Variants in CHAT observed in about 807,000 individuals in gnomAD.
CHAT encodes choline O-acetyltransferase, also known as acetyl CoA:choline O-acetyltransferase.
Under a neutral mutation model 76.9 loss-of-function variants are expected in CHAT, and 61 were observed. The ratio of observed to expected loss-of-function variants is 0.79; its 90% CI spans 0.65 to 0.98. The LOEUF (loss-of-function observed/expected upper bound fraction) is 0.98. Among genes scored for constraint, CHAT ranks in the 50% least tolerant of loss-of-function variants. CHAT has a pLI of 0.00. For missense variants in CHAT, 946 were observed against 986.9 expected (o/e 0.96, Z 0.56); for synonymous variants, 407 against 397.4 (o/e 1.02, Z -0.29).
At chr10:49,661,192 T>G (rs1590626905) in intron 13 of CHAT, 1 of 152,348 alleles carries the variant, frequency 6.6e-6, no homozygotes, top group South Asian at 2.1e-4. Context: ...TAAGTCATTT[T>G]ACTCGTTATT....
At chr10:49,616,095 A>G (rs1838482300) in intron 1 of CHAT, 2 of 1,612,644 alleles carry the variant, frequency 1.2e-6, no homozygotes, top group Non-Finnish European at 1.7e-6. Context: ...CACAGTAGGT[A>G]TGGTCTTACC....
At chr10:49,653,800 C>T (rs1198703306) in intron 11 of CHAT, among the ~76,000 whole-genome samples, 2 of 152,214 alleles carry the variant, frequency 1.3e-5, no homozygotes, top group African/African-American at 2.4e-5. Flanking sequence ...GCCAGAGCCT[C>T]GACTGGGGAT....
chr10:49,625,097 G>C (rs1227409807), intron 5 of CHAT, among the ~76,000 whole-genome samples: 1 of 152,210 alleles, frequency 6.6e-6, no homozygotes, highest in Non-Finnish European at 1.5e-5. Flanking sequence ...TTCTAAAAGA[G>C]ATGATAAAGG....
At chr10:49,610,702 C>G (rs1429145173), upstream of CHAT, 2 of 1,458,722 alleles carry the variant, frequency 1.4e-6, no homozygotes, top group East Asian at 5.0e-5. Flanking sequence ...GCGCTCGGCC[C>G]TGGCGGAGGC....
At chr10:49,621,892 T>A (rs1838723855) in intron 4 of CHAT, among the ~76,000 whole-genome samples, 1 of 23,526 alleles carries the variant, frequency 4.3e-5, no homozygotes, top group Non-Finnish European at 7.9e-5. Flanking sequence ...AGGAACCACA[T>A]CTGATTAGTG....
Position 49,614,253 on chromosome 10 carries a change from G to A in CHAT, c.64G>A (p.Gly22Arg). The A allele has an allele frequency of 8.4e-6, 13 of 1,546,910 alleles. No homozygotes were observed. The highest frequency in any genetic ancestry group is 1.1e-5 in the Non-Finnish European group (13 of 1,145,248). The change falls in exon 1 of 15, where the codon GGA (glycine) becomes AGA (arginine). Residue 22 changes from glycine to arginine, a missense_variant. By Grantham distance (125) the Gly-to-Arg change is moderately radical. This residue lies in a region of CHAT where 548 missense variants were observed against 516.2 expected (regional missense o/e 1.06). Transcript: ENST00000337653. Reference protein sequence around the residue: ...GGGGKWKREEGGGTRGRREVR... With the variant: ...GGGGKWKREERGGTRGRREVR... The stretch of plus-strand genomic sequence containing the variant: ...AGGGGGGAAATGGAAGAGAGAGGAG[G>A]GAGGAGGTACAAGAGGAAGGAGAGA...
chr10:49,627,830 G>C, intron 7 of CHAT, 45 bp downstream of exon 7: 2 of 1,594,012 alleles, frequency 1.3e-6, no homozygotes, highest in Non-Finnish European at 1.7e-6. Context: ...TCTCATGCTC[G>C]TGCCCATTGG....
At chr10:49,627,915 G>A in intron 7 of CHAT, 130 bp downstream of exon 7, 1 of 1,098,286 alleles carries the variant, frequency 9.1e-7, no homozygotes. Flanking sequence ...CCCACAGCAT[G>A]CCCTGCGGCC....
At chr10:49,655,485 G>A (rs1209927227) in intron 13 of CHAT, 37 bp downstream of exon 13, 1 of 1,597,878 alleles carries the variant, frequency 6.3e-7, no homozygotes, top group Non-Finnish European at 8.6e-7. Context: ...CACTGCACTT[G>A]AGCTGTGCCT....
At chr10:49,634,411 C>A (rs1839228981) in intron 7 of CHAT, among the ~76,000 whole-genome samples, 1 of 152,364 alleles carries the variant, frequency 6.6e-6, no homozygotes, top group Admixed American at 6.5e-5. Flanking sequence ...GCCCAATGCC[C>A]ACAACCCCTC....
At position 49,665,122 on chromosome 10, in the gene CHAT, T is replaced by A; in HGVS notation, c.*76T>A. The A allele has an allele frequency of 6.6e-7, 1 of 1,517,232 alleles. No homozygotes were observed. Among genetic ancestry groups the A allele is most frequent in the South Asian group, 1.1e-5 (1 of 88,728 alleles). The allele number at this position is 1,517,232 out of a possible 1,614,324, so 94.0% of individuals were successfully genotyped here. On this transcript the variant is annotated 3_prime_UTR_variant, in exon 15 of 15. Coordinates refer to ENST00000337653, the MANE Select transcript of CHAT (RefSeq NM_020549.5). The stretch of plus-strand genomic sequence containing the variant: ...CCCTGCAGATCCCCACTCCCGTCCC[T>A]TACCCCAGCTTTCCACAGCTCCCTG...
At chr10:49,625,337 C>T (rs1000727357) in intron 5 of CHAT, 136 bp from the exon 6 acceptor site, 20 of 778,024 alleles carry the variant, frequency 2.6e-5, no homozygotes, top group Non-Finnish European at 4.4e-5. Context: ...TTGAGCTCTG[C>T]ATCTGCCATG....
upstream of CHAT, chr10:49,612,365 C>G: frequency 1.3e-6 from 2 of 1,558,958 alleles, no homozygotes; most frequent in Non-Finnish European, 1.7e-6. Context: ...TCCAGCCCAC[C>G]CAACCGCCTT....
At position 49,664,962 on chromosome 10, in the gene CHAT, C is replaced by T; in HGVS notation, c.2163C>T (p.Leu721=). 3.1e-6 allele frequency: 5 copies of T among 1,614,248 alleles called. No individual in the cohort carries two copies. The highest frequency in any genetic ancestry group is 3.4e-6 in the Non-Finnish European group (4 of 1,180,046). The change falls in exon 15 of 15, where the codon CTC becomes CTT. Residue 721 remains leucine, a synonymous_variant. Transcript: ENST00000337653. ...VEESLIDMRD[L]CSLLPPTESK... ...AAAGCCTCATTGACATGAGAGACCT[C>T]TGCAGTCTGCTGCCGCCTACTGAGA...
At chr10:49,664,610 G>C (rs752770111) in intron 14 of CHAT, among the ~76,000 whole-genome samples, 167 bp from the exon 15 acceptor site, 8 of 152,198 alleles carry the variant, frequency 5.3e-5, no homozygotes, top group Non-Finnish European at 1.0e-4. Context: ...CATGCAGTTA[G>C]ATGGGTCTGT....
chr10:49,647,115 T>G (rs117368877), intron 8 of CHAT: 2,643 of 215,266 alleles, frequency 0.012, 46 homozygotes, highest in African/African-American at 0.041. Context: ...GCTTTTTGGA[T>G]GTCCACCCCC....
intron 13 of CHAT, among the ~76,000 whole-genome samples, chr10:49,657,157 C>T (rs772538221): frequency 3.3e-5 from 5 of 152,038 alleles, no homozygotes; most frequent in East Asian, 1.9e-4. Flanking sequence ...GGAGGTCGGA[C>T]GTCCAAGATC....
chr10:49,634,330 G>A (rs760094665), intron 7 of CHAT, among the ~76,000 whole-genome samples: 10 of 152,216 alleles, frequency 6.6e-5, no homozygotes, highest in Non-Finnish European at 1.2e-4. Flanking sequence ...ATGGGCTGGC[G>A]CCTGGCACAC....
chr10:49,632,439 T>A (rs989844751), intron 7 of CHAT, among the ~76,000 whole-genome samples: 1 of 152,132 alleles, frequency 6.6e-6, no homozygotes, highest in Admixed American at 6.5e-5. Context: ...TGAGCTATTT[T>A]AGGGGAGCAT....
Sources: allele counts gnomAD v4.1 joint callset (sites outside exome capture counted in the v4.1 genomes callset), GRCh38; gene constraint gnomAD v4.1.1; regional missense constraint gnomAD v4.1.1; transcripts MANE v1.5; gene names NCBI Gene and HGNC (gene_info 2026-07-23, HGNC 2026-07-21).